NHS: variants seen among roughly 807,000 people sequenced by gnomAD.
NHS encodes NHS actin remodeling regulator.
In NHS, 5 loss-of-function variants were observed where a neutral mutation model predicts 72.5. That is an observed-to-expected ratio of 0.07 (90% CI 0.04 to 0.14). NHS has a LOEUF of 0.14. Among genes scored for constraint, NHS ranks in the 10% least tolerant of loss-of-function variants. The pLI is 1.00. For missense variants in NHS, 1,072 were observed against 1,355.7 expected (o/e 0.79, Z 3.29); for synonymous variants, 464 against 547.7 (o/e 0.85, Z 2.13).
intron 1 of NHS, among the ~76,000 whole-genome samples, chrX:17,476,132 G>C (rs753150139): frequency 8.9e-6 from 1 of 111,948 alleles, no homozygotes; most frequent in African/African-American, 3.2e-5. Context: ...GTAGCTTCAG[G>C]ATGCTTGGAT....
At chrX:17,422,940 C>A (rs1478525070) in intron 1 of NHS, among the ~76,000 whole-genome samples, 1 of 111,790 alleles carries the variant, frequency 8.9e-6, no homozygotes, top group East Asian at 2.8e-4. Flanking sequence ...GACAGGGTAA[C>A]TGGGTCAAAC....
intron 1 of NHS, among the ~76,000 whole-genome samples, chrX:17,538,633 G>A (rs929087068): frequency 1.8e-5 from 2 of 111,570 alleles, no homozygotes; most frequent in African/African-American, 6.5e-5. Flanking sequence ...AGGGTCATAG[G>A]TGTACGGAGC....
chrX:17,414,889 A>G (rs953251525), intron 1 of NHS, among the ~76,000 whole-genome samples: 1 of 111,440 alleles, frequency 9.0e-6, no homozygotes, highest in Non-Finnish European at 1.9e-5. Flanking sequence ...GAAAGATTAG[A>G]GGCAGAGCAG....
At chrX:17,674,255 A>G (rs912379943) in intron 1 of NHS, among the ~76,000 whole-genome samples, 1 of 111,153 alleles carries the variant, frequency 9.0e-6, no homozygotes, top group African/African-American at 3.3e-5. Flanking sequence ...GCCTGTTATA[A>G]CTTTGCTCTC....
intron 1 of NHS, among the ~76,000 whole-genome samples, chrX:17,428,473 G>C (rs1376289763): frequency 8.9e-6 from 1 of 111,888 alleles, no homozygotes; most frequent in Non-Finnish European, 1.9e-5. Flanking sequence ...CTCGGTTTGG[G>C]GCTGGGGAGA....
chrX:17,568,508 T>C (rs1207121728), intron 1 of NHS, among the ~76,000 whole-genome samples: 4 of 109,310 alleles, frequency 3.7e-5, no homozygotes, highest in Non-Finnish European at 7.6e-5. Flanking sequence ...CTGGGAACTA[T>C]TCTAAGTAAA....
intron 1 of NHS, among the ~76,000 whole-genome samples, chrX:17,483,395 A>G (rs1274140108): frequency 8.9e-6 from 1 of 112,445 alleles, no homozygotes. Flanking sequence ...TTAATGTGAT[A>G]TGAAAATATC....
intron 1 of NHS, among the ~76,000 whole-genome samples, chrX:17,469,582 C>T (rs1032820750): frequency 8.9e-6 from 1 of 111,821 alleles, no homozygotes; most frequent in Non-Finnish European, 1.9e-5. Flanking sequence ...GCAATGCCCC[C>T]TTCATCTGAT....
intron 1 of NHS, among the ~76,000 whole-genome samples, chrX:17,417,965 A>G (rs2064605023): frequency 8.9e-6 from 1 of 112,131 alleles, no homozygotes; most frequent in Non-Finnish European, 1.9e-5. Context: ...GCCTCATTTT[A>G]AGCAACTCAG....
chrX:17,621,868 A>G (rs1242043079), intron 1 of NHS, among the ~76,000 whole-genome samples: 1 of 111,440 alleles, frequency 9.0e-6, no homozygotes, highest in East Asian at 2.8e-4. Context: ...CCCTTTCCTC[A>G]TCCGTAAAAT....
intron 1 of NHS, among the ~76,000 whole-genome samples, chrX:17,639,817 A>G (rs1418396790): frequency 1.8e-5 from 2 of 111,927 alleles, no homozygotes; most frequent in African/African-American, 6.5e-5. Flanking sequence ...ATACTGACCC[A>G]TGAACATCAG....
At chrX:17,635,764 A>G (rs920246229) in intron 1 of NHS, among the ~76,000 whole-genome samples, 5 of 111,917 alleles carry the variant, frequency 4.5e-5, no homozygotes, top group African/African-American at 1.3e-4. Flanking sequence ...GAGGAGGGGA[A>G]TCTGCACTTG....
intron 1 of NHS, among the ~76,000 whole-genome samples, chrX:17,377,138 C>A (rs747089177): frequency 8.9e-6 from 1 of 112,148 alleles, no homozygotes; most frequent in East Asian, 2.8e-4. Flanking sequence ...CCCCGGTGCA[C>A]TGTCGCCCAA....
intron 1 of NHS, among the ~76,000 whole-genome samples, chrX:17,397,720 T>C (rs989582370): frequency 2.7e-5 from 3 of 112,389 alleles, no homozygotes; most frequent in Admixed American, 9.4e-5. Context: ...CATGTGCTCA[T>C]TGATTTATTC....
chrX:17,395,927 A>G (rs1219802409), intron 1 of NHS, among the ~76,000 whole-genome samples: 1 of 112,632 alleles, frequency 8.9e-6, no homozygotes, highest in Admixed American at 9.4e-5. Flanking sequence ...TTGGCTGAAC[A>G]AACAACATTA....
intron 1 of NHS, among the ~76,000 whole-genome samples, chrX:17,683,669 G>A (rs1371957598): frequency 8.9e-6 from 1 of 111,899 alleles, no homozygotes; most frequent in Non-Finnish European, 1.9e-5. Context: ...TATGGTTGGA[G>A]CTTCCCACAA....
At chrX:17,524,746 G>A (rs1012564666) in intron 1 of NHS, among the ~76,000 whole-genome samples, 2 of 112,313 alleles carry the variant, frequency 1.8e-5, no homozygotes, top group Non-Finnish European at 3.8e-5. Context: ...GGTCACATTT[G>A]ATTAGTTAAG....
chrX:17,725,751 C>T lies in NHS; in HGVS notation c.1645C>T (p.Pro549Ser), dbSNP rs1326084438. Reference sequence around the variant, plus strand: ...AACCCCTAATGATTTCAGTGAGGCTCCAAGCAGCCCGAGTGCCCAGGACCA... The same window carrying T: ...AACCCCTAATGATTTCAGTGAGGCTTCAAGCAGCCCGAGTGCCCAGGACCA... ...ERTPNDFSEA[P>S]SSPSAQDHQP... Residue 549 changes from proline (P) to serine (S), a missense_variant, in exon 7 of 9, where the codon CCA (proline) becomes TCA (serine). Coordinates refer to ENST00000676302, the MANE Select transcript of NHS (RefSeq NM_001291867.2). 4.1e-6 allele frequency: 5 copies of T among 1,211,398 alleles called. No homozygotes were observed. In the Admixed American group the frequency reaches 1.1e-4, roughly 26 times the overall value.
At chrX:17,613,906 C>T (rs1333134549) in intron 1 of NHS, among the ~76,000 whole-genome samples, 1 of 112,237 alleles carries the variant, frequency 8.9e-6, no homozygotes, top group Non-Finnish European at 1.9e-5. Context: ...AAAGAAGCTA[C>T]AGATCCATCA....
Sources: gnomAD v4.1 joint callset for allele counts (sites outside exome capture counted in the v4.1 genomes callset) on GRCh38, gnomAD v4.1.1 for gene constraint, MANE v1.5 for transcripts, NCBI Gene and HGNC (gene_info 2026-07-23, HGNC 2026-07-21) for gene names.